The following UGGT2 variants were observed in gnomAD, a reference collection of about 807,000 sequenced individuals.
The protein encoded by UGGT2 is UDP-glucose:glycoprotein glucosyltransferase 2.
In UGGT2, 180 loss-of-function variants were observed where a neutral mutation model predicts 192.1. The ratio of observed to expected loss-of-function variants is 0.94; its 90% CI spans 0.83 to 1.06. The LOEUF is 1.06. UGGT2 is among the 50% of genes least tolerant of loss of function. UGGT2 has a pLI of 0.00. For missense variants in UGGT2, 1,849 were observed against 1,795.7 expected (o/e 1.03, Z -0.54); for synonymous variants, 580 against 591.0 (o/e 0.98, Z 0.27).
At chr13:95,887,811 C>T in intron 26 of UGGT2, 81 bp downstream of exon 26, 1 of 829,390 alleles carries the variant, frequency 1.2e-6, no homozygotes, top group South Asian at 1.7e-5. Flanking sequence ...AAGAAAAAAC[C>T]AGGTCCAGTA....
At chr13:95,909,928 G>A (rs1594299061) in intron 20 of UGGT2, among the ~76,000 whole-genome samples, 1 of 151,900 alleles carries the variant, frequency 6.6e-6, no homozygotes, top group South Asian at 2.1e-4. Flanking sequence ...GAGAGTGGGG[G>A]ACAATATTCA....
At chr13:95,857,391 T>C (rs1388901700) in intron 33 of UGGT2, among the ~76,000 whole-genome samples, 1 of 152,120 alleles carries the variant, frequency 6.6e-6, no homozygotes, top group Non-Finnish European at 1.5e-5. Flanking sequence ...GCTTGTATTT[T>C]AGAGGAAGTA....
intron 27 of UGGT2, among the ~76,000 whole-genome samples, chr13:95,881,030 C>T (rs866818295): frequency 2.6e-5 from 4 of 152,032 alleles, no homozygotes; most frequent in Admixed American, 6.5e-5. Flanking sequence ...AAGAATCAGC[C>T]GGGCGTGGCA....
chr13:95,846,465 T>C (rs1263425569), intron 36 of UGGT2, among the ~76,000 whole-genome samples: 1 of 152,064 alleles, frequency 6.6e-6, no homozygotes, highest in East Asian at 1.9e-4. Context: ...TTTTATATAT[T>C]ACTAAATTTG....
At chr13:96,047,210 G>A (rs757829895) in intron 1 of UGGT2, among the ~76,000 whole-genome samples, 4 of 152,196 alleles carry the variant, frequency 2.6e-5, no homozygotes, top group Admixed American at 6.5e-5. Context: ...CTAATGGGGA[G>A]GCACTTCCCA....
intron 4 of UGGT2, among the ~76,000 whole-genome samples, chr13:96,022,496 T>C (rs762007623): frequency 6.6e-6 from 1 of 151,880 alleles, no homozygotes; most frequent in Non-Finnish European, 1.5e-5. Flanking sequence ...TATATATTAC[T>C]GTTTAATAGA....
At chr13:95,865,099 A>G (rs1890528553) in intron 30 of UGGT2, among the ~76,000 whole-genome samples, 1 of 152,136 alleles carries the variant, frequency 6.6e-6, no homozygotes, top group Non-Finnish European at 1.5e-5. Flanking sequence ...TTATAATCTT[A>G]TATGGGCCAT....
At chr13:95,883,648 C>T (rs1362680446) in intron 27 of UGGT2, among the ~76,000 whole-genome samples, 2 of 152,076 alleles carry the variant, frequency 1.3e-5, no homozygotes, top group Non-Finnish European at 2.9e-5. Flanking sequence ...GCCTGGCTTC[C>T]CCTTCCACCG....
intron 17 of UGGT2, among the ~76,000 whole-genome samples, chr13:95,934,446 G>GATATGATAACCTCGATA (rs1197357225): frequency 2.0e-5 from 3 of 152,192 alleles, no homozygotes; most frequent in Admixed American, 6.5e-5. Context: ...GTCTAACACT[G>GATATGATAACCTCGATA]TCAGTGTCTA....
chr13:95,961,516 A>G (rs1566760613), intron 12 of UGGT2, among the ~76,000 whole-genome samples: 2 of 152,180 alleles, frequency 1.3e-5, no homozygotes, highest in Admixed American at 1.3e-4. Context: ...GTCATTATAT[A>G]ATAATAAAGG....
intron 30 of UGGT2, among the ~76,000 whole-genome samples, chr13:95,865,908 C>A (rs1890612192): frequency 6.6e-6 from 1 of 152,140 alleles, no homozygotes; most frequent in African/African-American, 2.4e-5. Flanking sequence ...CTATTGTTAA[C>A]CCCATTTTAC....
chr13:95,963,559 A>C (rs1245619511), intron 12 of UGGT2, among the ~76,000 whole-genome samples: 2 of 152,170 alleles, frequency 1.3e-5, no homozygotes, highest in African/African-American at 4.8e-5. Context: ...TCAGGCAAGA[A>C]AAACAAATGC....
chr13:95,846,063 G>T (rs914355794), intron 36 of UGGT2, among the ~76,000 whole-genome samples: 5 of 152,278 alleles, frequency 3.3e-5, no homozygotes, highest in African/African-American at 9.6e-5. Flanking sequence ...CTTTGGGAGG[G>T]CAAGGCAGGC....
intron 38 of UGGT2, among the ~76,000 whole-genome samples, chr13:95,827,958 C>T (rs1886217993): frequency 6.6e-6 from 1 of 152,132 alleles, no homozygotes; most frequent in Admixed American, 6.6e-5. Context: ...TTCTTCATCT[C>T]CCTATACCAC....
chr13:95,855,647 C>T (rs902083463), intron 34 of UGGT2, among the ~76,000 whole-genome samples: 9 of 151,912 alleles, frequency 5.9e-5, no homozygotes, highest in African/African-American at 2.2e-4. Flanking sequence ...CCTCAGCCTC[C>T]AAAAGTGCTG....
intron 31 of UGGT2, 31 bp downstream of exon 31, chr13:95,863,598 G>A: frequency 6.5e-7 from 1 of 1,531,206 alleles, no homozygotes; most frequent in Non-Finnish European, 9.0e-7. Context: ...GATCAATCTA[G>A]TGATGTATTA....
chr13:95,954,493 A>G (rs923499811), intron 12 of UGGT2, among the ~76,000 whole-genome samples: 2 of 152,202 alleles, frequency 1.3e-5, no homozygotes, highest in Non-Finnish European at 2.9e-5. Context: ...AGAAACATTT[A>G]CAATCTATTC....
chr13:95,942,911 C>A (rs1333358630), intron 15 of UGGT2, among the ~76,000 whole-genome samples: 1 of 152,142 alleles, frequency 6.6e-6, no homozygotes, highest in East Asian at 1.9e-4. Flanking sequence ...TTGTTTTCCA[C>A]ACTTACATTT....
At chr13:95,983,938 C>A in intron 9 of UGGT2, 74 bp from the exon 10 acceptor site, 1 of 953,986 alleles carries the variant, frequency 1.0e-6, no homozygotes, top group South Asian at 2.7e-5. Context: ...CCAATGTAAT[C>A]TAATACTTTG....
Sources: gnomAD v4.1 joint callset for allele counts (sites outside exome capture counted in the v4.1 genomes callset) on GRCh38, gnomAD v4.1.1 for gene constraint, MANE v1.5 for transcripts, NCBI Gene and HGNC (gene_info 2026-07-23, HGNC 2026-07-21) for gene names.